Variants in PADI1 observed in about 807,000 individuals in gnomAD.
PADI1 encodes the protein peptidyl arginine deiminase 1.
Under a neutral mutation model 74.8 loss-of-function variants are expected in PADI1, and 65 were observed. That is an observed-to-expected ratio of 0.87 (90% CI 0.71 to 1.07). PADI1 has a LOEUF of 1.07. PADI1 is among the 50% of genes least tolerant of loss of function. The pLI is 0.00. For missense variants in PADI1, 943 were observed against 854.0 expected, an observed-to-expected ratio of 1.10 and a Z score of -1.30; for synonymous variants, 371 against 336.2, an observed-to-expected ratio of 1.10 and a Z score of -1.13.
At chr1:17,209,586 C>T (rs921316213) in intron 1 of PADI1, among the ~76,000 whole-genome samples, 55 of 152,330 alleles carry the variant, frequency 3.6e-4, no homozygotes, top group Non-Finnish European at 1.9e-4. Flanking sequence ...ATCTCTCCCC[C>T]TCCCTCTGGC....
intron 10 of PADI1, among the ~76,000 whole-genome samples, chr1:17,231,161 C>T (rs1430696847): frequency 6.6e-6 from 1 of 152,150 alleles, no homozygotes. Flanking sequence ...CCCACCGTTA[C>T]TTATTGAGTT....
chr1:17,206,219 C>G (rs888911576), intron 1 of PADI1, among the ~76,000 whole-genome samples: 25 of 152,282 alleles, frequency 1.6e-4, no homozygotes, highest in Non-Finnish European at 2.2e-4. Flanking sequence ...GGGTCTGTTA[C>G]TGGGTGAGAT....
At chr1:17,222,846 A>G (rs2072196796) in intron 2 of PADI1, among the ~76,000 whole-genome samples, 1 of 152,136 alleles carries the variant, frequency 6.6e-6, no homozygotes, top group East Asian at 1.9e-4. Context: ...AGGTGCACAC[A>G]CACACGTCCA....
In PADI1 at chr1:17,206,671, TTTTTTC is replaced by T. The variant is rs1447276846; in HGVS notation, c.92+1374_92+1379del. On this transcript the variant is annotated intron_variant, in intron 1 of 15. Coordinates refer to ENST00000375471, the MANE Select transcript of PADI1 (RefSeq NM_013358.3). ...GCTGTTTAGCTGAAGCTGAAGTCTTTTTTTTCTTTTTCTTTTTTTTTTTTTTTTTTT... is the reference window on the plus strand; with the variant it reads ...GCTGTTTAGCTGAAGCTGAAGTCTTTTTTTTCTTTTTTTTTTTTTTTTTTT... Among the ~76,000 whole-genome samples, 258 of 136,666 alleles carry T rather than the reference TTTTTTC, an allele frequency of 1.9e-3. 3 individuals carry two copies. Among genetic ancestry groups the T allele is most frequent in the African/African-American group, 5.9e-3 (195 of 33,226 alleles). 89.7% of individuals were successfully genotyped at this position (136,666 alleles called of 152,430 possible). A position where few individuals can be genotyped will look rare whatever the true frequency, so the allele number is the denominator to read the frequency against.
Position 17,232,860 on chromosome 1 carries a change from T to G in PADI1, c.1203T>G (p.Pro401=). Reference sequence around the variant, plus strand: ...ATGTTACCCGGGAGATCCCGCTCCCTGGTCCCTCCAGCCTTGACTCCTTCG... The same window carrying G: ...ATGTTACCCGGGAGATCCCGCTCCCGGGTCCCTCCAGCCTTGACTCCTTCG... ...FGYVTREIPL[P]GPSSLDSFGN... Residue 401 remains proline (P), a synonymous_variant, in exon 11 of 16, where the codon CCT becomes CCG. Coordinates refer to ENST00000375471, the MANE Select transcript of PADI1 (RefSeq NM_013358.3). 1 of 1,613,552 alleles carries G rather than the reference T, an allele frequency of 6.2e-7. No individual in the cohort carries two copies. Among genetic ancestry groups the G allele is most frequent in the Non-Finnish European group, 8.5e-7 (1 of 1,179,840 alleles).
chr1:17,229,359 T>C (rs887635306), intron 8 of PADI1, among the ~76,000 whole-genome samples: 2 of 152,242 alleles, frequency 1.3e-5, no homozygotes, highest in Non-Finnish European at 2.9e-5. Context: ...AGCCAGGCCC[T>C]GCACAGGCTG....
chr1:17,231,407 G>A (rs2072487794), intron 10 of PADI1, among the ~76,000 whole-genome samples: 1 of 152,220 alleles, frequency 6.6e-6, no homozygotes, highest in Admixed American at 6.5e-5. Context: ...CTCGAGGTGA[G>A]TCCACAGTCT....
intron 1 of PADI1, among the ~76,000 whole-genome samples, chr1:17,216,338 G>A (rs749387319): frequency 2.6e-5 from 4 of 152,220 alleles, no homozygotes; most frequent in African/African-American, 4.8e-5. Flanking sequence ...TGGACAGGAT[G>A]TGAGCTGTGG....
intron 1 of PADI1, among the ~76,000 whole-genome samples, chr1:17,213,876 A>G (rs771923007): frequency 1.3e-5 from 2 of 152,220 alleles, no homozygotes; most frequent in Admixed American, 6.5e-5. Context: ...AGATTCTCTA[A>G]GAATTCACCC....
intron 9 of PADI1, 104 bp downstream of exon 9, chr1:17,230,312 C>G (rs2072452132): frequency 1.6e-5 from 23 of 1,420,430 alleles, no homozygotes; most frequent in Middle Eastern, 2.3e-4. Flanking sequence ...CCACGGCAGC[C>G]TGGGCCAGGC....
Position 17,240,615 on chromosome 1 carries a change from C to T in PADI1, c.1633-20C>T. ...TATGCTCTTCCTAGTCCTGGGCTGCCCAGCTGCCTCCTTCCCCAGAAATGC... is the reference window on the plus strand; with the variant it reads ...TATGCTCTTCCTAGTCCTGGGCTGCTCAGCTGCCTCCTTCCCCAGAAATGC... On this transcript the variant is annotated intron_variant, in intron 14 of 15. Coordinates refer to ENST00000375471, the MANE Select transcript of PADI1 (RefSeq NM_013358.3). The T allele has an allele frequency of 1.2e-6, 2 of 1,612,920 alleles. No individual in the cohort carries two copies. Among genetic ancestry groups the T allele is most frequent in the African/African-American group, 1.3e-5 (1 of 75,042 alleles).
intron 1 of PADI1, among the ~76,000 whole-genome samples, chr1:17,213,372 G>A (rs1024614880): frequency 4.6e-5 from 7 of 152,098 alleles, no homozygotes; most frequent in Non-Finnish European, 1.0e-4. Context: ...AATCAGTACT[G>A]CACAAAGCCC....
At chr1:17,220,513 A>G (rs1015048345) in intron 1 of PADI1, among the ~76,000 whole-genome samples, 4 of 152,226 alleles carry the variant, frequency 2.6e-5, no homozygotes, top group Non-Finnish European at 4.4e-5. Context: ...AGCACCTACT[A>G]TGGGCCAGAC....
rs1392560657 is a variant in PADI1, at chr1:17,230,197, C to T, written c.1042C>T (p.Arg348Cys). Reference sequence around the variant, plus strand: ...CCCTCAAGTTGAAAATCGAAATGACCGCTGGATCCAGGTGGGAGCTGGGGG... The same window carrying T: ...CCCTCAAGTTGAAAATCGAAATGACTGCTGGATCCAGGTGGGAGCTGGGGG... The part of the protein sequence containing the change: ...ICPQVENRND[R>C]WIQDEMEFGY... Residue 348 changes from arginine (R) to cysteine (C), a missense_variant, in exon 9 of 16, where the codon CGC becomes TGC. Physicochemically the swap from Arg to Cys is radical, Grantham distance 180 (BLOSUM62 -3). Coordinates refer to ENST00000375471, the MANE Select transcript of PADI1 (RefSeq NM_013358.3). The T allele has an allele frequency of 3.7e-6, 6 of 1,613,824 alleles. No homozygotes were observed. Among genetic ancestry groups the T allele is most frequent in the Admixed American group, 3.3e-5 (2 of 60,006 alleles).
chr1:17,209,736 G>A (rs2071786913), intron 1 of PADI1, among the ~76,000 whole-genome samples: 1 of 152,182 alleles, frequency 6.6e-6, no homozygotes, highest in African/African-American at 2.4e-5. Context: ...GGTCTTTGCA[G>A]GCTGTGTGAC....
chr1:17,243,454 T>C (rs2977313), intron 15 of PADI1, among the ~76,000 whole-genome samples: 28,563 of 152,250 alleles, frequency 0.19, 2,960 homozygotes, highest in African/African-American at 0.28. Context: ...TGACTTAACC[T>C]GTCTGAGCCA....
At chr1:17,208,634 C>T (rs964157519) in intron 1 of PADI1, among the ~76,000 whole-genome samples, 1 of 150,790 alleles carries the variant, frequency 6.6e-6, no homozygotes, top group Admixed American at 6.6e-5. Flanking sequence ...TCCTGATGAC[C>T]CACACTCCAG....
intron 10 of PADI1, among the ~76,000 whole-genome samples, chr1:17,231,332 C>T (rs528313151): frequency 1.3e-5 from 2 of 152,292 alleles, no homozygotes; most frequent in African/African-American, 2.4e-5. Context: ...AATAGTGGCA[C>T]CAAGATGCAA....
At position 17,234,800 on chromosome 1, in the gene PADI1, G is replaced by A. The variant is rs563651110; in HGVS notation, c.1313+1830G>A. Reference sequence around the variant, plus strand: ...AGACAGGCAAGCAATGGATCAGAGAGGGGATCACATATCATCCCACGTGCG... The same window carrying A: ...AGACAGGCAAGCAATGGATCAGAGAAGGGATCACATATCATCCCACGTGCG... On this transcript the variant is annotated intron_variant, in intron 11 of 15. Transcript: ENST00000375471. 5.0e-4 allele frequency among the ~76,000 whole-genome samples: 76 copies of A among 152,138 alleles called. 5 individuals are homozygous for A. The highest frequency in any genetic ancestry group is 2.9e-5 in the Non-Finnish European group (2 of 68,020).
Sources: allele counts gnomAD v4.1 joint callset (sites outside exome capture counted in the v4.1 genomes callset), GRCh38; gene constraint gnomAD v4.1.1; transcripts MANE v1.5; gene names NCBI Gene and HGNC (gene_info 2026-07-23, HGNC 2026-07-21).